The following PDE4B variants were observed in gnomAD, a reference collection of about 807,000 sequenced individuals.
The protein encoded by PDE4B is 3',5'-cyclic-AMP phosphodiesterase 4B.
In PDE4B, 20 loss-of-function variants were observed where a neutral mutation model predicts 82.2. That is an observed-to-expected ratio of 0.24 (90% CI 0.17 to 0.35). The LOEUF (loss-of-function observed/expected upper bound fraction) is 0.35. PDE4B is among the 10% of genes least tolerant of loss of function. The probability of loss-of-function intolerance (pLI) is 1.00; values close to 1 mark genes in which losing one functional copy is unlikely to be tolerated. For missense variants in PDE4B, 655 were observed against 907.2 expected (o/e 0.72, Z 3.57); for synonymous variants, 320 against 318.9 (o/e 1.00, Z -0.04).
chr1:66,275,426 C>T (rs991266421), intron 7 of PDE4B, among the ~76,000 whole-genome samples: 1 of 152,160 alleles, frequency 6.6e-6, no homozygotes, highest in African/African-American at 2.4e-5. Context: ...AGGATTGGCC[C>T]TTTTGGGAAA....
intron 4 of PDE4B, among the ~76,000 whole-genome samples, chr1:66,254,898 A>G (rs1466739842): frequency 6.6e-6 from 1 of 152,018 alleles, no homozygotes; most frequent in Non-Finnish European, 1.5e-5. Context: ...TCCCCACTCC[A>G]ATCTATCCCT....
intron 3 of PDE4B, among the ~76,000 whole-genome samples, chr1:66,076,205 G>A (rs1199085860): frequency 6.6e-6 from 1 of 152,034 alleles, no homozygotes; most frequent in Non-Finnish European, 1.5e-5. Flanking sequence ...ATTTCCCAGT[G>A]TCTGTTGTTC....
chr1:66,343,220 A>G (rs769641862), intron 8 of PDE4B, among the ~76,000 whole-genome samples: 1 of 152,234 alleles, frequency 6.6e-6, no homozygotes, highest in Non-Finnish European at 1.5e-5. Flanking sequence ...CTTGATTAAA[A>G]CAGTGGACTT....
At chr1:65,834,309 G>T (rs966635323) in intron 1 of PDE4B, among the ~76,000 whole-genome samples, 1 of 152,198 alleles carries the variant, frequency 6.6e-6, no homozygotes, top group Admixed American at 6.5e-5. Context: ...CTCCCAAAGT[G>T]CTGGGATTAC....
At chr1:66,198,542 G>A (rs1648543248) in intron 3 of PDE4B, among the ~76,000 whole-genome samples, 1 of 152,056 alleles carries the variant, frequency 6.6e-6, no homozygotes, top group South Asian at 2.1e-4. Context: ...AAGCCTCAAA[G>A]ACTGTTAAGA....
At chr1:66,332,452 T>A (rs750058852) in intron 7 of PDE4B, 56 bp from the exon 8 acceptor site, 1 of 1,614,072 alleles carries the variant, frequency 6.2e-7, no homozygotes, top group Non-Finnish European at 8.5e-7. Flanking sequence ...GTGACTCTGC[T>A]ATGGACAGCC....
chr1:66,203,875 T>C (rs922113395), intron 3 of PDE4B, among the ~76,000 whole-genome samples: 7 of 152,250 alleles, frequency 4.6e-5, no homozygotes, highest in African/African-American at 1.7e-4. Flanking sequence ...TCCAGCTTTG[T>C]TCCATTACTG....
chr1:65,836,599 G>A (rs1646142747), intron 1 of PDE4B, among the ~76,000 whole-genome samples: 2 of 152,166 alleles, frequency 1.3e-5, no homozygotes, highest in Middle Eastern at 3.4e-3. Flanking sequence ...CTAAGCACTT[G>A]TACTATTCTC....
At chr1:65,989,591 A>G (rs977333259) in intron 3 of PDE4B, among the ~76,000 whole-genome samples, 1 of 152,210 alleles carries the variant, frequency 6.6e-6, no homozygotes, top group East Asian at 1.9e-4. Flanking sequence ...GTATCTGTAC[A>G]TTGATAAATT....
At chr1:65,940,115 A>G (rs1457262255) in intron 3 of PDE4B, among the ~76,000 whole-genome samples, 3 of 152,166 alleles carry the variant, frequency 2.0e-5, no homozygotes, top group Non-Finnish European at 4.4e-5. Context: ...CAAGTTTGCT[A>G]CGGAAGTCCT....
At chr1:65,927,248 A>G (rs1647552559) in intron 3 of PDE4B, among the ~76,000 whole-genome samples, 1 of 151,708 alleles carries the variant, frequency 6.6e-6, no homozygotes, top group East Asian at 1.9e-4. Context: ...ACTATATAAA[A>G]CATAACTGTT....
At chr1:66,208,403 G>A (rs1252911262) in intron 3 of PDE4B, among the ~76,000 whole-genome samples, 1 of 152,160 alleles carries the variant, frequency 6.6e-6, no homozygotes, top group Non-Finnish European at 1.5e-5. Flanking sequence ...CATACTTCTA[G>A]CTAACTGTTC....
chr1:66,293,803 C>A (rs1657288378), intron 7 of PDE4B, among the ~76,000 whole-genome samples: 1 of 152,174 alleles, frequency 6.6e-6, no homozygotes, highest in South Asian at 2.1e-4. Context: ...AAAGGGCCAC[C>A]TGAATCTGCA....
chr1:65,849,181 G>A (rs1217394217), intron 1 of PDE4B, among the ~76,000 whole-genome samples: 1 of 152,132 alleles, frequency 6.6e-6, no homozygotes, highest in Non-Finnish European at 1.5e-5. Context: ...GACTCCACTG[G>A]CTATTTGCCT....
chr1:65,963,501 A>G (rs1350032754), intron 3 of PDE4B, among the ~76,000 whole-genome samples: 1 of 152,248 alleles, frequency 6.6e-6, no homozygotes, highest in African/African-American at 2.4e-5. Flanking sequence ...GCAGTGGGAA[A>G]GTAACTTTGT....
chr1:65,924,148 C>T (rs1647366573), intron 3 of PDE4B, among the ~76,000 whole-genome samples: 1 of 109,126 alleles, frequency 9.2e-6, no homozygotes, highest in African/African-American at 3.3e-5. Flanking sequence ...GATCTCGGCT[C>T]ACTGCAAGCT....
chr1:66,072,905 G>C (rs1019662533), intron 3 of PDE4B, among the ~76,000 whole-genome samples: 1 of 152,026 alleles, frequency 6.6e-6, no homozygotes. Context: ...ATGCACATCT[G>C]TGGAAACTGT....
At chr1:65,977,577 T>C (rs139095313) in intron 3 of PDE4B, among the ~76,000 whole-genome samples, 4 of 152,348 alleles carry the variant, frequency 2.6e-5, no homozygotes, top group Admixed American at 2.6e-4. Flanking sequence ...TTTTGTACTT[T>C]GTGCACTTTG....
At chr1:65,803,621 T>C (rs1318976844) in intron 1 of PDE4B, among the ~76,000 whole-genome samples, 1 of 152,158 alleles carries the variant, frequency 6.6e-6, no homozygotes, top group Non-Finnish European at 1.5e-5. Flanking sequence ...TGCCCAGATA[T>C]AAAAAGTCCT....
Sources: allele counts gnomAD v4.1 joint callset (sites outside exome capture counted in the v4.1 genomes callset), GRCh38; gene constraint gnomAD v4.1.1; transcripts MANE v1.5; gene names NCBI Gene and HGNC (gene_info 2026-07-23, HGNC 2026-07-21).